ZNF518A: variants seen among roughly 807,000 people sequenced by gnomAD.
The protein encoded by ZNF518A is zinc finger protein 518A.
In ZNF518A, 47 loss-of-function variants were observed where a neutral mutation model predicts 102.7. The observed-to-expected ratio is 0.46, with a 90% confidence interval of 0.36 to 0.58. ZNF518A has a LOEUF of 0.58. Ranked by LOEUF, ZNF518A falls within the 20% of genes least tolerant of loss-of-function variation. The pLI, the probability that ZNF518A is intolerant of heterozygous loss-of-function variation, is 0.00. For synonymous variants in ZNF518A, 652 were observed against 594.6 expected (o/e 1.10, Z -1.40); for missense variants, 1,793 against 1,699.8 (o/e 1.05, Z -0.96).
At chr10:96,145,323 G>A (rs1478155580) in intron 3 of ZNF518A, among the ~76,000 whole-genome samples, 9 of 152,156 alleles carry the variant, frequency 5.9e-5, no homozygotes, top group Non-Finnish European at 1.2e-4. Context: ...TCCCACCTTG[G>A]CCTCCCAAAG....
At chr10:96,147,142 G>C (rs1417951486) in intron 3 of ZNF518A, among the ~76,000 whole-genome samples, 1 of 152,196 alleles carries the variant, frequency 6.6e-6, no homozygotes, top group Non-Finnish European at 1.5e-5. Flanking sequence ...GGATATAAAG[G>C]TATGGAGGGA....
At position 96,158,698 on chromosome 10, in the gene ZNF518A, A is replaced by T; in HGVS notation, c.2376A>T (p.Lys792Asn). 6.2e-7 allele frequency: 1 copy of T among 1,613,432 alleles called. No individual in the cohort carries two copies. Among genetic ancestry groups the T allele is most frequent in the African/African-American group, 1.3e-5 (1 of 75,040 alleles). ...ACCAATTGCTTCAGGATGTATTGAAAATAAAACCTGATGTAAAACAAGACT... is the reference window on the plus strand; with the variant it reads ...ACCAATTGCTTCAGGATGTATTGAATATAAAACCTGATGTAAAACAAGACT... Reference protein sequence around the residue: ...EVNQLLQDVLKIKPDVKQDSS... With the variant: ...EVNQLLQDVLNIKPDVKQDSS... The change falls in exon 6 of 6, where the codon AAA becomes AAT. Residue 792 changes from lysine (K) to asparagine (N), a missense_variant. By Grantham distance (94) the Lys-to-Asn change is moderately conservative (BLOSUM62 0). This residue lies in a region of ZNF518A where 1,741 missense variants were observed against 1,622.6 expected (regional missense o/e 1.07). Coordinates refer to ENST00000316045, the MANE Select transcript of ZNF518A (RefSeq NM_001330736.2).
At chr10:96,189,846 C>T (rs2083301359) in intron 1 of ZNF518A, 3 of 1,215,302 alleles carry the variant, frequency 2.5e-6, no homozygotes, top group Non-Finnish European at 3.6e-6. Flanking sequence ...TCTTCATCTT[C>T]TGACTCTGCA....
chr10:96,152,498 A>T (rs587753779), intron 3 of ZNF518A, among the ~76,000 whole-genome samples: 1 of 152,358 alleles, frequency 6.6e-6, no homozygotes, highest in African/African-American at 2.4e-5. Flanking sequence ...TTGCTGTCAG[A>T]TATCATGTTT....
At chr10:96,172,138 A>G (rs1357833714) in intron 1 of ZNF518A, among the ~76,000 whole-genome samples, 2 of 152,098 alleles carry the variant, frequency 1.3e-5, no homozygotes, top group Non-Finnish European at 2.9e-5. Context: ...AAAGCAAATG[A>G]TGTCGAGAAT....
chr10:96,184,684 T>C (rs1184386903), intron 1 of ZNF518A, among the ~76,000 whole-genome samples: 3 of 152,256 alleles, frequency 2.0e-5, no homozygotes, highest in African/African-American at 4.8e-5. Flanking sequence ...GTTAGTCTGA[T>C]GGGCATCCCT....
chr10:96,168,895 A>T (rs973915934), intron 1 of ZNF518A, among the ~76,000 whole-genome samples: 1 of 152,134 alleles, frequency 6.6e-6, no homozygotes, highest in African/African-American at 2.4e-5. Context: ...TGGTAGATTA[A>T]TTTTTGTTAA....
chr10:96,130,757 T>G lies in ZNF518A; in HGVS notation c.-453+5T>G, dbSNP rs2081291076. On this transcript the variant is annotated splice_donor_5th_base_variant and intron_variant, in intron 1 of 5. Coordinates refer to ENST00000316045, the MANE Select transcript of ZNF518A (RefSeq NM_001330736.2). Reference sequence around the variant, plus strand: ...CTTCTCCAGAGTTGGCCAAAGGTGCTCTTCCCCGCAGACCCTAACCACACC... The same window carrying G: ...CTTCTCCAGAGTTGGCCAAAGGTGCGCTTCCCCGCAGACCCTAACCACACC... 6.6e-6 allele frequency: 1 copy of G among 152,400 alleles called. No individual in the cohort carries two copies. The highest frequency in any genetic ancestry group is 2.4e-5 in the African/African-American group (1 of 41,462). The allele number at this position is 152,400 out of a possible 1,614,324, so 9.4% of individuals were successfully genotyped here. A position where few individuals can be genotyped will look rare whatever the true frequency, so the allele number is the denominator to read the frequency against.
downstream of ZNF518A, chr10:96,204,822 T>G (rs797041547): frequency 2.9e-5 from 16 of 561,362 alleles, no homozygotes; most frequent in African/African-American, 3.0e-4. Context: ...CCCAGCAGTG[T>G]TACAGGTACA....
In ZNF518A at chr10:96,157,310, C is replaced by T. The variant is rs782439291; in HGVS notation, c.988C>T (p.Arg330Cys). The change falls in exon 6 of 6, where the codon CGT becomes TGT. Residue 330 changes from arginine (R) to cysteine (C), a missense_variant. Coordinates refer to ENST00000316045, the MANE Select transcript of ZNF518A (RefSeq NM_001330736.2). ...TGCATCAAGGAAGACGTTCTGGAAA[C>T]GTAAGAAAATTAACAGTGGAAGTGA... ...IGASRKTFWK[R>C]KKINSGSDRS... The T allele has an allele frequency of 3.1e-6, 5 of 1,611,616 alleles. No individual in the cohort carries two copies. Among genetic ancestry groups the T allele is most frequent in the Admixed American group, 1.7e-5 (1 of 59,550 alleles).
intron 1 of ZNF518A, among the ~76,000 whole-genome samples, chr10:96,172,961 T>C (rs1490169806): frequency 6.6e-6 from 1 of 152,106 alleles, no homozygotes; most frequent in African/African-American, 2.4e-5. Context: ...CAATCATGGA[T>C]CAAAAATGTA....
chr10:96,193,368 A>C (rs587745075), intron 1 of ZNF518A, among the ~76,000 whole-genome samples: 59 of 152,344 alleles, frequency 3.9e-4, no homozygotes, highest in Non-Finnish European at 7.5e-4. Context: ...CAAGGGAAAA[A>C]GTGTGTCCTG....
intron 1 of ZNF518A, among the ~76,000 whole-genome samples, chr10:96,185,492 G>T (rs967256185): frequency 6.6e-6 from 1 of 152,166 alleles, no homozygotes; most frequent in Non-Finnish European, 1.5e-5. Flanking sequence ...ATGGGGTTTT[G>T]GTGTGGATGT....
intron 1 of ZNF518A, among the ~76,000 whole-genome samples, chr10:96,188,858 C>CA (rs1384484348): frequency 6.6e-6 from 1 of 152,176 alleles, no homozygotes; most frequent in Non-Finnish European, 1.5e-5. Flanking sequence ...ACTGGACACT[C>CA]AAAGTCCAAA....
rs1453350635 is a variant in ZNF518A, at chr10:96,139,816, A to G, written c.-302+6168A>G. Among the ~76,000 whole-genome samples the G allele has an allele frequency of 3.3e-5, 5 of 152,190 alleles. 1 individual carries two copies. Among genetic ancestry groups the G allele is most frequent in the African/African-American group, 1.2e-4 (5 of 41,530 alleles). On this transcript the variant is annotated intron_variant, in intron 3 of 5. Transcript: ENST00000316045. ...GCCTGGACTAAGATGATGACAGTGG[A>G]TAGGAAGAGAGGAAGGGAAATACAA...
At chr10:96,152,832 A>G (rs902240248) in intron 3 of ZNF518A, among the ~76,000 whole-genome samples, 5 of 152,234 alleles carry the variant, frequency 3.3e-5, no homozygotes, top group Non-Finnish European at 7.3e-5. Flanking sequence ...ATCTCATGGG[A>G]CCACATTTGT....
chr10:96,160,146 G>C lies in ZNF518A; in HGVS notation c.3824G>C (p.Arg1275Thr). ...GAAACTGCCTTTGTATCTAGAAACA[G>C]AAACTGTAAACGAAAGTGTAGGGAT... ...DSETAFVSRN[R>T]NCKRKCRDSY... Residue 1275 changes from arginine to threonine, a missense_variant, in exon 6 of 6, where the codon AGA becomes ACA. By Grantham distance (71) the Arg-to-Thr change is moderately conservative. Transcript: ENST00000316045. 1.2e-6 allele frequency: 2 copies of C among 1,609,744 alleles called. No homozygotes were observed. Among genetic ancestry groups the C allele is most frequent in the South Asian group, 2.2e-5 (2 of 90,210 alleles).
At chr10:96,190,639 G>A (rs913704307) in intron 1 of ZNF518A, among the ~76,000 whole-genome samples, 1 of 152,122 alleles carries the variant, frequency 6.6e-6, no homozygotes, top group South Asian at 2.1e-4. Flanking sequence ...TTACCTTCTG[G>A]CCTTTCAACA....
At chr10:96,174,532 G>C (rs2133886131) in intron 1 of ZNF518A, among the ~76,000 whole-genome samples, 1 of 152,282 alleles carries the variant, frequency 6.6e-6, no homozygotes, top group South Asian at 2.1e-4. Context: ...ATGAACAACT[G>C]AATGCCCAGT....
Sources: allele counts gnomAD v4.1 joint callset (sites outside exome capture counted in the v4.1 genomes callset), GRCh38; gene constraint gnomAD v4.1.1; regional missense constraint gnomAD v4.1.1; transcripts MANE v1.5; gene names NCBI Gene and HGNC (gene_info 2026-07-23, HGNC 2026-07-21).